Variants in ATP8A2 observed in about 807,000 individuals in gnomAD.
The protein encoded by ATP8A2 is ATPase phospholipid transporting 8A2.
ATP8A2 carries 100 observed loss-of-function variants against 165.6 expected under a neutral mutation model. The observed-to-expected ratio is 0.60, with a 90% CI of 0.51 to 0.71. The LOEUF is 0.71. ATP8A2 is among the 30% of genes least tolerant of loss of function. ATP8A2 has a pLI of 0.00. For missense variants in ATP8A2, 1,227 were observed against 1,479.5 expected (o/e 0.83, Z 2.80); for synonymous variants, 543 against 548.8 (o/e 0.99, Z 0.15).
chr13:25,524,874 C>T (rs919468338), intron 2 of ATP8A2, among the ~76,000 whole-genome samples: 1 of 149,772 alleles, frequency 6.7e-6, no homozygotes, highest in African/African-American at 2.5e-5. Context: ...CTTGTTTTCT[C>T]ATTGTTTGAT....
chr13:25,407,177 A>G (rs2033827351), intron 1 of ATP8A2, among the ~76,000 whole-genome samples: 1 of 152,168 alleles, frequency 6.6e-6, no homozygotes, highest in East Asian at 1.9e-4. Flanking sequence ...ATCTAATCAA[A>G]CTAGGAAAAC....
In ATP8A2 at chr13:25,557,902, TA is replaced by T. The variant is rs200738880; in HGVS notation, c.1264-1066del. On this transcript the variant is annotated intron_variant, in intron 13 of 36. Transcript: ENST00000381655. ...TAAGCCCTTATTATAAAATGTTCAT[TA>T]AAAATTTTTTTTTTTTTGAGATGAA... Among the ~76,000 whole-genome samples, 776 of 151,950 alleles carry T rather than the reference TA, an allele frequency of 5.1e-3. 6 individuals are homozygous for T. The highest frequency in any genetic ancestry group is 0.018 in the African/African-American group (746 of 41,514).
intron 24 of ATP8A2, among the ~76,000 whole-genome samples, chr13:25,655,527 T>C (rs1950716983): frequency 6.6e-6 from 1 of 152,060 alleles, no homozygotes; most frequent in South Asian, 2.1e-4. Context: ...TGGTAGGAAA[T>C]AGTGAAGTTC....
chr13:25,977,581 TA>T (rs1956082320), intron 35 of ATP8A2, among the ~76,000 whole-genome samples: 1 of 152,240 alleles, frequency 6.6e-6, no homozygotes, highest in African/African-American at 2.4e-5. Context: ...CTGTGTCAAC[TA>T]AAAATAATTG....
chr13:25,823,661 C>G (rs1343677534), intron 27 of ATP8A2, among the ~76,000 whole-genome samples: 1 of 152,092 alleles, frequency 6.6e-6, no homozygotes, highest in African/African-American at 2.4e-5. Flanking sequence ...TCTGAATATA[C>G]TGAAGAATTG....
At chr13:25,874,499 A>G (rs1952772027) in intron 33 of ATP8A2, among the ~76,000 whole-genome samples, 1 of 152,234 alleles carries the variant, frequency 6.6e-6, no homozygotes, top group Admixed American at 6.5e-5. Flanking sequence ...ATACTAATGT[A>G]TGAGGTGTCA....
intron 10 of ATP8A2, among the ~76,000 whole-genome samples, chr13:25,547,390 G>A (rs1443751978): frequency 6.6e-6 from 1 of 151,852 alleles, no homozygotes; most frequent in Non-Finnish European, 1.5e-5. Flanking sequence ...AATCAGCGGT[G>A]GCATTAGATT....
At chr13:25,628,885 T>C (rs1450151124) in intron 24 of ATP8A2, among the ~76,000 whole-genome samples, 1 of 152,158 alleles carries the variant, frequency 6.6e-6, no homozygotes, top group Non-Finnish European at 1.5e-5. Flanking sequence ...AACATACGTT[T>C]TATTGTGGGA....
At chr13:25,835,261 C>A (rs12855786) in intron 28 of ATP8A2, among the ~76,000 whole-genome samples, 26,488 of 152,004 alleles carry the variant, frequency 0.17, 2,470 homozygotes, top group Middle Eastern at 0.22. Flanking sequence ...ATAAAACAAA[C>A]AATTTTTGTT....
intron 35 of ATP8A2, among the ~76,000 whole-genome samples, chr13:26,012,134 G>A (rs1342015683): frequency 2.6e-5 from 4 of 152,304 alleles, no homozygotes; most frequent in African/African-American, 9.6e-5. Flanking sequence ...GGCTGTGGCT[G>A]GGGTCCTGAG....
At chr13:25,642,113 A>C (rs1033867804) in intron 24 of ATP8A2, among the ~76,000 whole-genome samples, 5 of 152,320 alleles carry the variant, frequency 3.3e-5, no homozygotes, top group African/African-American at 1.2e-4. Context: ...AGATGGATTA[A>C]AGACTTAAAT....
At chr13:25,476,226 TA>T (rs1231065522) in intron 2 of ATP8A2, among the ~76,000 whole-genome samples, 4 of 152,162 alleles carry the variant, frequency 2.6e-5, no homozygotes, top group African/African-American at 9.7e-5. Context: ...GATCTGGTCT[TA>T]ATGCACAAGC....
chr13:25,443,584 C>T (rs757757164), intron 1 of ATP8A2, among the ~76,000 whole-genome samples: 6 of 152,214 alleles, frequency 3.9e-5, no homozygotes, highest in South Asian at 2.1e-4. Flanking sequence ...GTGTTATACA[C>T]GCCTATCATG....
At chr13:25,591,252 A>G (rs1207496286) in intron 24 of ATP8A2, 3 of 456,508 alleles carry the variant, frequency 6.6e-6, no homozygotes, top group African/African-American at 6.0e-5. Context: ...ATCCATCCAC[A>G]GAACTCTTTT....
In ATP8A2 at chr13:25,953,655, G is replaced by T. The variant is rs1032963739; in HGVS notation, c.3184-7920G>T. Among the ~76,000 whole-genome samples the T allele has an allele frequency of 6.6e-6, 1 of 151,986 alleles. No individual in the cohort carries two copies. Among genetic ancestry groups the T allele is most frequent in the Admixed American group, 6.6e-5 (1 of 15,260 alleles). ...TCTGCATTTCCAGCTGAGGAACCTG[G>T]TTCATCTCACTGGGACTGGTTAGAT... On this transcript the variant is annotated intron_variant, in intron 33 of 36. Coordinates refer to ENST00000381655, the MANE Select transcript of ATP8A2 (RefSeq NM_016529.6). The surrounding 1 kb of genome is among the most constrained non-coding windows in gnomAD (Gnocchi z 6.7).
intron 25 of ATP8A2, among the ~76,000 whole-genome samples, chr13:25,740,183 C>A (rs895801974): frequency 2.6e-5 from 4 of 151,946 alleles, no homozygotes; most frequent in Non-Finnish European, 5.9e-5. Flanking sequence ...GTGGTGGGCG[C>A]CTGTAGTCCC....
chr13:25,799,148 A>T (rs1950562791), intron 27 of ATP8A2, among the ~76,000 whole-genome samples: 1 of 152,200 alleles, frequency 6.6e-6, no homozygotes, highest in Admixed American at 6.5e-5. Context: ...AACAAAGATA[A>T]GTTGTAAAAT....
chr13:25,859,979 G>GTTGT (rs1033812427), intron 30 of ATP8A2, among the ~76,000 whole-genome samples: 1 of 152,086 alleles, frequency 6.6e-6, no homozygotes, highest in Non-Finnish European at 1.5e-5. Context: ...TGGTTGGTTG[G>GTTGT]TTGGAAGCTT....
chr13:25,547,445 T>A (rs55856914), intron 10 of ATP8A2, among the ~76,000 whole-genome samples: 2,805 of 152,202 alleles, frequency 0.018, 35 homozygotes, highest in Non-Finnish European at 0.033. Flanking sequence ...ATACAAGGGA[T>A]CTAGGTTGCT....
Sources: allele counts gnomAD v4.1 joint callset (sites outside exome capture counted in the v4.1 genomes callset), GRCh38; gene constraint gnomAD v4.1.1; non-coding constraint Gnocchi (gnomAD v3.1); transcripts MANE v1.5; gene names NCBI Gene and HGNC (gene_info 2026-07-23, HGNC 2026-07-21).